Variants in ME3 observed in about 807,000 individuals in gnomAD.
The protein encoded by ME3 is NADP-dependent malic enzyme, mitochondrial.
In ME3, 48 loss-of-function variants were observed where a neutral mutation model predicts 68.9. The ratio of observed to expected loss-of-function variants is 0.70; its 90% CI spans 0.55 to 0.89. The LOEUF (loss-of-function observed/expected upper bound fraction) is 0.89. Among genes scored for constraint, ME3 ranks in the 40% least tolerant of loss-of-function variants. The pLI is 0.00. For synonymous variants in ME3, 320 were observed against 318.8 expected (o/e 1.00, Z -0.04); for missense variants, 675 against 797.4 (o/e 0.85, Z 1.85).
intron 8 of ME3, 135 bp from the exon 9 acceptor site, chr11:86,450,533 A>T (rs1174422020): frequency 1.6e-6 from 1 of 634,798 alleles, no homozygotes; most frequent in Admixed American, 2.9e-5. Context: ...CCCTGTAGGC[A>T]TGCAAGTTTT....
intron 5 of ME3, 150 bp from the exon 6 acceptor site, chr11:86,498,274 T>G (rs981947779): frequency 2.2e-6 from 2 of 908,346 alleles, no homozygotes; most frequent in Non-Finnish European, 1.6e-6. Flanking sequence ...GCCGGAGCAT[T>G]TATTCACCTG....
intron 2 of ME3, among the ~76,000 whole-genome samples, chr11:86,560,760 A>ATATATATATATATATG: frequency 7.2e-6 from 1 of 138,864 alleles, no homozygotes; most frequent in African/African-American, 2.7e-5. Flanking sequence ...ATATATATAT[A>ATATATATATATATATG]TATATATATA....
Position 86,476,510 on chromosome 11 carries a change from G to T in ME3, c.809+10827C>A, listed in dbSNP as rs79520642. 9.0e-3 allele frequency among the ~76,000 whole-genome samples: 1,374 copies of T among 152,310 alleles called. 28 individuals carry two copies. Among genetic ancestry groups the T allele is most frequent in the African/African-American group, 0.031 (1,285 of 41,540 alleles). On this transcript the variant is annotated intron_variant, in intron 7 of 14. Coordinates refer to ENST00000543262, the Ensembl canonical transcript of ME3. Reference sequence around the variant, plus strand: ...AGCTTCTGTTTCTCATTTCTGTACAGAGAACTGTGTCTCATGAAAAGATGT... The same window carrying T: ...AGCTTCTGTTTCTCATTTCTGTACATAGAACTGTGTCTCATGAAAAGATGT...
chr11:86,633,461 C>T (rs781660533), intron 2 of ME3, among the ~76,000 whole-genome samples: 23 of 152,122 alleles, frequency 1.5e-4, no homozygotes, highest in Admixed American at 1.3e-3. Context: ...TTCTAGAGCC[C>T]GTGCTGTTAA....
intron 8 of ME3, chr11:86,463,947 A>G (rs998187781): frequency 1.4e-5 from 3 of 216,492 alleles, no homozygotes; most frequent in East Asian, 2.8e-4. Flanking sequence ...TTCATAAGAC[A>G]GAGATGCTAA....
chr11:86,453,386 A>T (rs1055908015), intron 8 of ME3, among the ~76,000 whole-genome samples: 2 of 152,174 alleles, frequency 1.3e-5, no homozygotes, highest in African/African-American at 2.4e-5. Context: ...TGTACCAATT[A>T]TTGGGTAATT....
intron 2 of ME3, among the ~76,000 whole-genome samples, chr11:86,597,095 A>G (rs1233331695): frequency 6.6e-6 from 1 of 152,260 alleles, no homozygotes; most frequent in Admixed American, 6.5e-5. Context: ...GAAGTGCTGT[A>G]AGCAGATTAG....
chr11:86,669,652 A>G (rs1946800324), intron 2 of ME3, among the ~76,000 whole-genome samples: 1 of 152,180 alleles, frequency 6.6e-6, no homozygotes, highest in Admixed American at 6.5e-5. Flanking sequence ...GGTTCCTTCC[A>G]CAACACGTGG....
At chr11:86,486,876 C>T (rs906503012) in intron 7 of ME3, among the ~76,000 whole-genome samples, 5 of 152,206 alleles carry the variant, frequency 3.3e-5, no homozygotes, top group East Asian at 3.9e-4. Flanking sequence ...GCCCAGAGCC[C>T]GTGTGGTCTG....
chr11:86,523,868 T>G (rs1475170269), intron 4 of ME3, among the ~76,000 whole-genome samples: 3 of 152,048 alleles, frequency 2.0e-5, no homozygotes, highest in Non-Finnish European at 2.9e-5. Flanking sequence ...GAATATCACT[T>G]CAGAATCTAA....
chr11:86,520,915 A>G (rs1954224368), intron 4 of ME3, among the ~76,000 whole-genome samples: 1 of 152,212 alleles, frequency 6.6e-6, no homozygotes, highest in Non-Finnish European at 1.5e-5. Flanking sequence ...GGTAAGATGA[A>G]GAAGGTAGAA....
chr11:86,509,414 ACACACACACACACACG>A (rs976903547), intron 4 of ME3, among the ~76,000 whole-genome samples: 2 of 143,750 alleles, frequency 1.4e-5, no homozygotes, highest in Non-Finnish European at 3.2e-5. Context: ...ACACACACAC[ACACACACACACACACG>A]CATGTGCGAA....
intron 4 of ME3, among the ~76,000 whole-genome samples, chr11:86,531,301 A>G (rs1955210228): frequency 6.6e-6 from 1 of 152,206 alleles, no homozygotes; most frequent in African/African-American, 2.4e-5. Flanking sequence ...ACAATGAGAT[A>G]CCATCTCACA....
At chr11:86,505,693 C>T (rs1953025183) in intron 5 of ME3, among the ~76,000 whole-genome samples, 1 of 152,164 alleles carries the variant, frequency 6.6e-6, no homozygotes, top group South Asian at 2.1e-4. Context: ...ATAGTTAATC[C>T]TCACAATAGG....
At chr11:86,646,542 T>C (rs899082149) in intron 2 of ME3, among the ~76,000 whole-genome samples, 4 of 152,264 alleles carry the variant, frequency 2.6e-5, no homozygotes, top group South Asian at 4.1e-4. Context: ...CTAAGAAATA[T>C]GGGACTATGT....
At chr11:86,576,564 A>G (rs1958128456) in intron 2 of ME3, among the ~76,000 whole-genome samples, 1 of 152,104 alleles carries the variant, frequency 6.6e-6, no homozygotes, top group Non-Finnish European at 1.5e-5. Context: ...CAGCTCTTGC[A>G]CTGTCCCCTG....
chr11:86,618,332 A>G (rs1943121332), intron 2 of ME3, among the ~76,000 whole-genome samples: 2 of 143,962 alleles, frequency 1.4e-5, no homozygotes, highest in Non-Finnish European at 1.5e-5. Context: ...AAAAAAAAGT[A>G]GGATCATAAA....
At chr11:86,659,908 ATT>A (rs545825082) in intron 2 of ME3, among the ~76,000 whole-genome samples, 33 of 149,900 alleles carry the variant, frequency 2.2e-4, no homozygotes, top group African/African-American at 7.3e-4. Context: ...GGCTGGATCT[ATT>A]TTTTTTTTAA....
At chr11:86,573,497 C>CAAAGGGTTT (rs1565157989) in intron 2 of ME3, among the ~76,000 whole-genome samples, 1 of 149,964 alleles carries the variant, frequency 6.7e-6, no homozygotes, top group African/African-American at 2.5e-5. Flanking sequence ...TGAGACTTTG[C>CAAAGGGTTT]TGAAGTTGCT....
Sources: allele counts gnomAD v4.1 joint callset (sites outside exome capture counted in the v4.1 genomes callset), GRCh38; gene constraint gnomAD v4.1.1; transcripts MANE v1.5; gene names NCBI Gene and HGNC (gene_info 2026-07-23, HGNC 2026-07-21).